Variants in ATR observed in about 807,000 individuals in gnomAD.
ATR encodes the protein serine/threonine-protein kinase ATR.
In ATR, 142 loss-of-function variants were observed where a neutral mutation model predicts 305.3. The ratio of observed to expected loss-of-function variants is 0.47; its 90% CI spans 0.41 to 0.53. The LOEUF (loss-of-function observed/expected upper bound fraction) is 0.53. Among genes scored for constraint, ATR ranks in the 20% least tolerant of loss-of-function variants. The probability of loss-of-function intolerance (pLI) is 0.00; values close to 1 mark genes in which losing one functional copy is unlikely to be tolerated. For missense variants in ATR, 2,135 were observed against 3,133.1 expected, an observed-to-expected ratio of 0.68 and a Z score of 7.60; for synonymous variants, 1,050 against 1,068.1, an observed-to-expected ratio of 0.98 and a Z score of 0.33.
rs534243837 is a variant in ATR at position 142,516,984 on chromosome 3, A to AATATATATATATATATATATATAT, written c.4383-1470_4383-1469insATATATATATATATATATATATAT. 1.4e-4 allele frequency among the ~76,000 whole-genome samples: 20 copies of AATATATATATATATATATATATAT among 139,124 alleles called. No individual in the cohort carries two copies. The South Asian group carries it at 2.3e-3, about 16-fold the overall frequency. The allele number at this position is 139,124 out of a possible 152,430, so 91.3% of individuals were successfully genotyped here. On this transcript the variant is annotated intron_variant, in intron 24 of 46. Coordinates refer to ENST00000350721, the MANE Select transcript of ATR (RefSeq NM_001184.4). ...TATACCCAAAGTCTTATACCCAAAT[A>AATATATATATATATATATATATAT]ATATATATATATATATATATATACA...
In ATR at chr3:142,535,853, G is replaced by A. The variant is rs541538991; in HGVS notation, c.3819+255C>T. Among the ~76,000 whole-genome samples, 164 of 152,236 alleles carry A rather than the reference G, an allele frequency of 1.1e-3. 1 individual carries two copies. Among genetic ancestry groups the A allele is most frequent in the South Asian group, 1.7e-3 (8 of 4,822 alleles). ...AATAAGTAAGGACACTTTGGTCTGG[G>A]TAGTAAAGGCATAAGAATTGTATTT... On this transcript the variant is annotated intron_variant, in intron 20 of 46. Transcript: ENST00000350721.
At chr3:142,473,747 T>C (rs2071359611) in intron 36 of ATR, among the ~76,000 whole-genome samples, 1 of 151,834 alleles carries the variant, frequency 6.6e-6, no homozygotes, top group South Asian at 2.1e-4. Context: ...GGTTTCACCG[T>C]GTTGCCCTGG....
At position 142,470,887 on chromosome 3, in the gene ATR, G is replaced by T. The variant is rs1253634511; in HGVS notation, c.6222-704C>A. Among the ~76,000 whole-genome samples the T allele has an allele frequency of 2.0e-5, 3 of 152,104 alleles. No homozygotes were observed. In the East Asian group the frequency reaches 5.8e-4, roughly 29 times the overall value. On this transcript the variant is annotated intron_variant, in intron 36 of 46. Transcript: ENST00000350721. ...TCTCTCCTTCTTGAATTTTTTAGGG[G>T]CCTGGACATCAGTTTATTTTCAAAA...
At chr3:142,558,098 G>A (rs989542417) in intron 8 of ATR, among the ~76,000 whole-genome samples, 32 of 152,142 alleles carry the variant, frequency 2.1e-4, no homozygotes, top group Non-Finnish European at 3.5e-4. Context: ...TGGGATATGT[G>A]GGGCAGGCTT....
rs1167094303 is a variant in ATR, at chr3:142,556,617, T to C, written c.1886-42A>G. On this transcript the variant is annotated intron_variant, in intron 8 of 46. Transcript: ENST00000350721. Reference sequence around the variant, plus strand: ...TATTAAACAAGATTTCTACTAATGTTAATTTTATGTATACACATATACATA... The same window carrying C: ...TATTAAACAAGATTTCTACTAATGTCAATTTTATGTATACACATATACATA... 7 of 1,559,790 alleles carry C rather than the reference T, an allele frequency of 4.5e-6. No homozygotes were observed. The South Asian group carries it at 6.7e-5, about 15-fold the overall frequency.
intron 40 of ATR, chr3:142,465,902 A>C (rs1223263958): frequency 5.0e-6 from 1 of 201,608 alleles, no homozygotes; most frequent in African/African-American, 2.4e-5. Flanking sequence ...GCTACTCAGG[A>C]GGCTGAGGTG....
intron 28 of ATR, among the ~76,000 whole-genome samples, chr3:142,507,202 T>A (rs1455195981): frequency 6.6e-6 from 1 of 152,208 alleles, no homozygotes; most frequent in Non-Finnish European, 1.5e-5. Context: ...AGCCCACCAA[T>A]CTTGAGCTCT....
chr3:142,463,345 T>C (rs2071059686), intron 41 of ATR, among the ~76,000 whole-genome samples: 2 of 152,226 alleles, frequency 1.3e-5, no homozygotes, highest in African/African-American at 4.8e-5. Flanking sequence ...GGAGAGAACA[T>C]ACTAATGGTT....
chr3:142,542,154 C>T (rs536126924), intron 17 of ATR, among the ~76,000 whole-genome samples: 1 of 152,244 alleles, frequency 6.6e-6, no homozygotes, highest in South Asian at 2.1e-4. Context: ...TGTTCAAAAA[C>T]ACCATGAGCC....
intron 42 of ATR, among the ~76,000 whole-genome samples, chr3:142,459,786 A>C (rs2070984973): frequency 1.3e-5 from 2 of 152,106 alleles, no homozygotes; most frequent in Non-Finnish European, 2.9e-5. Flanking sequence ...TTCTGGAAGC[A>C]ATCCTCCAGA....
intron 45 of ATR, among the ~76,000 whole-genome samples, chr3:142,456,887 G>T (rs959379513): frequency 9.9e-5 from 15 of 152,212 alleles, no homozygotes; most frequent in African/African-American, 3.4e-4. Flanking sequence ...TTTGGAAAAT[G>T]ATTTGAGAGT....
At chr3:142,458,708 G>A (rs2070961076) in intron 44 of ATR, among the ~76,000 whole-genome samples, 1 of 152,048 alleles carries the variant, frequency 6.6e-6, no homozygotes, top group South Asian at 2.1e-4. Flanking sequence ...ATAACTAATT[G>A]AGTCAGAACC....
intron 36 of ATR, among the ~76,000 whole-genome samples, chr3:142,480,825 T>C (rs2030388930): frequency 6.6e-6 from 1 of 152,196 alleles, no homozygotes; most frequent in African/African-American, 2.4e-5. Flanking sequence ...GCCTTGCAGT[T>C]CGATCTCAGA....
At chr3:142,485,423 T>C in intron 35 of ATR, 141 bp from the exon 36 acceptor site, 2 of 1,070,336 alleles carry the variant, frequency 1.9e-6, no homozygotes, top group South Asian at 1.6e-5. Context: ...CAATCTTTGA[T>C]GTGGAAAAGG....
intron 13 of ATR, 129 bp downstream of exon 13, chr3:142,553,097 CT>C (rs1296042054): frequency 8.1e-7 from 1 of 1,241,610 alleles, no homozygotes; most frequent in African/African-American, 1.5e-5. Context: ...CAATATACCC[CT>C]GAACTTAAAA....
At chr3:142,488,233 T>C (rs1238734862) in intron 35 of ATR, among the ~76,000 whole-genome samples, 1 of 152,204 alleles carries the variant, frequency 6.6e-6, no homozygotes, top group African/African-American at 2.4e-5. Context: ...CCTACAAATT[T>C]AGCTCCCTGT....
intron 29 of ATR, among the ~76,000 whole-genome samples, chr3:142,503,823 A>T (rs2032099974): frequency 6.6e-6 from 1 of 152,196 alleles, no homozygotes; most frequent in South Asian, 2.1e-4. Context: ...AACATAGAAA[A>T]TCTCAGATTG....
chr3:142,518,616 AATG>A (rs1381430551), intron 24 of ATR, among the ~76,000 whole-genome samples: 1 of 152,200 alleles, frequency 6.6e-6, no homozygotes, highest in Non-Finnish European at 1.5e-5. Flanking sequence ...TAAGACATAA[AATG>A]ATGTTTAAAA....
intron 24 of ATR, among the ~76,000 whole-genome samples, chr3:142,516,832 C>T (rs1210802448): frequency 6.6e-6 from 1 of 151,984 alleles, no homozygotes; most frequent in African/African-American, 2.4e-5. Context: ...TCTATTTGTT[C>T]CTCAGCATTA....
Sources: allele counts gnomAD v4.1 joint callset (sites outside exome capture counted in the v4.1 genomes callset), GRCh38; gene constraint gnomAD v4.1.1; transcripts MANE v1.5; gene names NCBI Gene and HGNC (gene_info 2026-07-23, HGNC 2026-07-21).